SGTB: variants seen among roughly 807,000 people sequenced by gnomAD.
SGTB encodes the protein small glutamine rich tetratricopeptide repeat co-chaperone beta.
A neutral mutation model predicts 43.9 loss-of-function variants in SGTB; 19 were observed. The ratio of observed to expected loss-of-function variants is 0.43; its 90% CI spans 0.30 to 0.63. The LOEUF (loss-of-function observed/expected upper bound fraction) is 0.63, where lower values mean the gene tolerates loss of function less well. Ranked by LOEUF, SGTB falls within the 30% of genes least tolerant of loss-of-function variation. The pLI is 0.12. For synonymous variants in SGTB, 116 were observed against 117.3 expected (o/e 0.99, Z 0.07); for missense variants, 304 against 358.9 (o/e 0.85, Z 1.24).
chr5:65,677,648 C>A (rs1381936872), intron 8 of SGTB, among the ~76,000 whole-genome samples: 1 of 152,172 alleles, frequency 6.6e-6, no homozygotes, highest in African/African-American at 2.4e-5. Flanking sequence ...CCATCACAAT[C>A]ACGGAGGCTT....
chr5:65,706,961 A>G (rs1382068067), intron 4 of SGTB, among the ~76,000 whole-genome samples: 1 of 152,096 alleles, frequency 6.6e-6, no homozygotes, highest in Non-Finnish European at 1.5e-5. Context: ...CTACACAGCC[A>G]TTAAAAACAG....
intron 10 of SGTB, 124 bp downstream of exon 10, chr5:65,671,791 G>A (rs1757160999): frequency 1.2e-6 from 1 of 823,578 alleles, no homozygotes; most frequent in Admixed American, 2.9e-5. Context: ...GTAACATTAA[G>A]GAGGCTAAAG....
chr5:65,717,999 G>A (rs927263129), intron 2 of SGTB, among the ~76,000 whole-genome samples: 2 of 152,026 alleles, frequency 1.3e-5, no homozygotes, highest in African/African-American at 4.8e-5. Flanking sequence ...GTGGGGAAAG[G>A]TGAGGCATGA....
At chr5:65,703,213 G>A (rs1315684367) in intron 5 of SGTB, among the ~76,000 whole-genome samples, 1 of 152,138 alleles carries the variant, frequency 6.6e-6, no homozygotes, top group African/African-American at 2.4e-5. Flanking sequence ...GTAAACTAAG[G>A]TATGTCTATC....
chr5:65,692,739 G>C (rs1757636402), intron 5 of SGTB, among the ~76,000 whole-genome samples: 1 of 152,136 alleles, frequency 6.6e-6, no homozygotes. Flanking sequence ...GGGGACAAAT[G>C]GAAAGATTTC....
At chr5:65,710,785 T>A (rs1436329891) in intron 3 of SGTB, among the ~76,000 whole-genome samples, 1 of 151,208 alleles carries the variant, frequency 6.6e-6, no homozygotes, top group Admixed American at 6.6e-5. Context: ...AGGTCAGGAG[T>A]TCAACACCAG....
chr5:65,686,121 G>A (rs1256054618), intron 5 of SGTB, among the ~76,000 whole-genome samples: 1 of 151,626 alleles, frequency 6.6e-6, no homozygotes, highest in Non-Finnish European at 1.5e-5. Flanking sequence ...GGAGAAACAG[G>A]AAAGAAGAGA....
At chr5:65,679,572 A>G (rs59486756) in intron 8 of SGTB, among the ~76,000 whole-genome samples, 3,975 of 152,258 alleles carry the variant, frequency 0.026, 163 homozygotes, top group African/African-American at 0.089. Context: ...AGCCAAGATC[A>G]CACCATTGCA....
At chr5:65,693,341 GGGAA>G (rs562743782) in intron 5 of SGTB, among the ~76,000 whole-genome samples, 222 of 147,292 alleles carry the variant, frequency 1.5e-3, no homozygotes, top group Middle Eastern at 3.5e-3. Flanking sequence ...GGAGAAGGGA[GGGAA>G]GGAAGGAAGG....
At chr5:65,700,614 G>A (rs1469808536) in intron 5 of SGTB, among the ~76,000 whole-genome samples, 1 of 150,376 alleles carries the variant, frequency 6.6e-6, no homozygotes, top group African/African-American at 2.4e-5. Context: ...CCGGGAGGCG[G>A]AGCTTGCAGT....
intron 5 of SGTB, among the ~76,000 whole-genome samples, chr5:65,688,062 C>A (rs186695696): frequency 5.9e-5 from 9 of 152,310 alleles, no homozygotes; most frequent in Admixed American, 1.3e-4. Context: ...AGCCACTGCA[C>A]CTGGCCAGGA....
intron 10 of SGTB, 69 bp from the exon 11 acceptor site, chr5:65,670,426 G>T: frequency 7.5e-7 from 1 of 1,339,084 alleles, no homozygotes; most frequent in Non-Finnish European, 1.1e-6. Flanking sequence ...AAAAAGAAAT[G>T]CAGAAAATGT....
chr5:65,676,183 G>A (rs564744921), intron 8 of SGTB, among the ~76,000 whole-genome samples: 7 of 152,132 alleles, frequency 4.6e-5, no homozygotes, highest in East Asian at 3.9e-4. Flanking sequence ...AGCAGTGGTC[G>A]CAATCCTAGT....
intron 10 of SGTB, 46 bp from the exon 11 acceptor site, chr5:65,670,403 C>T: frequency 6.7e-7 from 1 of 1,486,580 alleles, no homozygotes. Flanking sequence ...TTGCCAGTCA[C>T]ATTTACCCAC....
intron 8 of SGTB, among the ~76,000 whole-genome samples, chr5:65,673,295 C>A (rs557102353): frequency 5.9e-5 from 9 of 152,248 alleles, no homozygotes; most frequent in East Asian, 1.9e-4. Flanking sequence ...ACAGACTGAC[C>A]GGTTGTAGTA....
Position 65,700,612 on chromosome 5 carries a change from C to T in SGTB, c.374+3667G>A, listed in dbSNP as rs187914739. 9.1e-3 allele frequency among the ~76,000 whole-genome samples: 1,325 copies of T among 146,208 alleles called. 23 individuals carry two copies. Among genetic ancestry groups the T allele is most frequent in the African/African-American group, 0.03 (1,202 of 39,474 alleles). On this transcript the variant is annotated intron_variant, in intron 5 of 10. Coordinates refer to ENST00000381007, the MANE Select transcript of SGTB (RefSeq NM_019072.3). ...AGGAGAATGGCGTGAACCCGGGAGG[C>T]GGAGCTTGCAGTGAGCCAAGATCGC...
At chr5:65,715,998 G>C (rs946358883) in intron 2 of SGTB, among the ~76,000 whole-genome samples, 1 of 152,188 alleles carries the variant, frequency 6.6e-6, no homozygotes, top group Non-Finnish European at 1.5e-5. Flanking sequence ...TCAAATTCCC[G>C]ACCTCAAGTG....
rs541866791 is a variant in SGTB at position 65,702,521 on chromosome 5, G to C, written c.374+1758C>G. Among the ~76,000 whole-genome samples, 3 of 152,236 alleles carry C rather than the reference G, an allele frequency of 2.0e-5. 1 individual carries two copies. In the South Asian group the frequency reaches 6.2e-4, roughly 32 times the overall value. ...GTTCAGACCCGTGTTAAAAAGGACA[G>C]AGCCAAGAAAGAGGAAGAAAGAAGT... On this transcript the variant is annotated intron_variant, in intron 5 of 10. Coordinates refer to ENST00000381007, the MANE Select transcript of SGTB (RefSeq NM_019072.3).
In SGTB at chr5:65,688,216, GA is replaced by G. The variant is rs542027405; in HGVS notation, c.375-2745del. Among the ~76,000 whole-genome samples the G allele has an allele frequency of 3.3e-5, 5 of 152,014 alleles. No homozygotes were observed. The East Asian group carries it at 7.7e-4, about 23-fold the overall frequency. The stretch of plus-strand genomic sequence containing the variant: ...TATATAATAAGCAGAGCCACTGGAA[GA>G]AAAAAAATCTTGTCCAGAAACGGAG... On this transcript the variant is annotated intron_variant, in intron 5 of 10. Coordinates refer to ENST00000381007, the MANE Select transcript of SGTB (RefSeq NM_019072.3).
Sources: gnomAD v4.1 joint callset for allele counts (sites outside exome capture counted in the v4.1 genomes callset) on GRCh38, gnomAD v4.1.1 for gene constraint, MANE v1.5 for transcripts, NCBI Gene and HGNC (gene_info 2026-07-23, HGNC 2026-07-21) for gene names.